The following KRT38 variants were observed in gnomAD, a reference collection of about 807,000 sequenced individuals.
KRT38 encodes keratin 38.
Under a neutral mutation model 43.1 loss-of-function variants are expected in KRT38, and 45 were observed. The observed-to-expected ratio is 1.04, with a 90% CI of 0.82 to 1.34. The LOEUF (loss-of-function observed/expected upper bound fraction) is 1.34, where lower values mean the gene tolerates loss of function less well. Among genes scored for constraint, KRT38 ranks in the 40% most tolerant of loss-of-function variants. The pLI is 0.00. For synonymous variants in KRT38, 258 were observed against 244.0 expected, an observed-to-expected ratio of 1.06 and a Z score of -0.53; for missense variants, 627 against 586.2, an observed-to-expected ratio of 1.07 and a Z score of -0.72.
Position 41,440,953 on chromosome 17 carries a change from G to C in KRT38, c.-32C>G, listed in dbSNP as rs1693430043. The C allele has an allele frequency of 6.6e-7, 1 of 1,513,368 alleles. No homozygotes were observed. Among genetic ancestry groups the C allele is most frequent in the Non-Finnish European group, 8.8e-7 (1 of 1,132,888 alleles). The allele number at this position is 1,513,368 out of a possible 1,614,324, so 93.7% of individuals were successfully genotyped here. On this transcript the variant is annotated 5_prime_UTR_variant, in exon 1 of 7. It adds an upstream start codon to the 5' untranslated region. Coordinates refer to ENST00000246646, the MANE Select transcript of KRT38 (RefSeq NM_006771.4). ...GGGCTGAGGCTGCACAGGAGCTTCA[G>C]ATCAGCTGGGAAAGCTGAACCACTG...
intron 6 of KRT38, 99 bp downstream of exon 6, chr17:41,437,994 A>G (rs2018745424): frequency 8.6e-7 from 1 of 1,165,244 alleles, no homozygotes; most frequent in Admixed American, 1.9e-5. Context: ...GAGTGCACAG[A>G]GAGCCTCATT....
chr17:41,440,517 T>C lies in KRT38; in HGVS notation c.405A>G (p.Thr135=). Residue 135 remains threonine (T), a synonymous_variant, in exon 1 of 7, where the codon ACA becomes ACG. Transcript: ENST00000246646. The part of the protein sequence containing the change: ...LEQENAELEA[T]LLERSKCHES... ...CGTGGCACTTGCTCCTCTCGAGGAG[T>C]GTGGCCTCCAGCTCCGCATTCTCCT... 1 of 1,613,988 alleles carries C rather than the reference T, an allele frequency of 6.2e-7. No homozygotes were observed. The highest frequency in any genetic ancestry group is 8.5e-7 in the Non-Finnish European group (1 of 1,179,978).
Position 41,438,592 on chromosome 17 carries a change from T to A in KRT38, c.919A>T (p.Met307Leu). The A allele has an allele frequency of 6.2e-7, 1 of 1,614,100 alleles. No individual in the cohort carries two copies. The highest frequency in any genetic ancestry group is 8.5e-7 in the Non-Finnish European group (1 of 1,180,006). ...AQSEGISLQD[M>L]SCSEELQCCQ... The stretch of plus-strand genomic sequence containing the variant: ...CACTGCAGCTCCTCGGAGCAGGACA[T>A]GTCCTGCAGGCTGATGCCTTCAGAC... The change falls in exon 5 of 7, where the codon ATG becomes TTG. Residue 307 changes from methionine (M) to leucine (L), a missense_variant. Transcript: ENST00000246646.
At chr17:41,437,628 C>T in intron 6 of KRT38, 87 bp from the exon 7 acceptor site, 1 of 1,387,860 alleles carries the variant, frequency 7.2e-7, no homozygotes, top group South Asian at 1.4e-5. Flanking sequence ...GGAGTCCCCA[C>T]TGCAAAACAA....
chr17:41,438,495 G>T lies in KRT38; in HGVS notation c.1016C>A (p.Thr339Asn). The T allele has an allele frequency of 6.2e-7, 1 of 1,614,198 alleles. No individual in the cohort carries two copies. Among genetic ancestry groups the T allele is most frequent in the South Asian group, 1.1e-5 (1 of 91,074 alleles). ...GTGAGAGTGAAGGACACGTACCAAG[G>T]TGTGCTGGGCTTGGCGCTCCACCTC... Reference protein sequence around the residue: ...ALEVERQAQHTLKDCLQNSLC... With the variant: ...ALEVERQAQHNLKDCLQNSLC... Residue 339 changes from threonine (T) to asparagine (N), a missense_variant, in exon 5 of 7, where the codon ACC becomes AAC. By Grantham distance (65) the Thr-to-Asn change is moderately conservative. Transcript: ENST00000246646.
At position 41,440,790 on chromosome 17, in the gene KRT38, G is replaced by T; in HGVS notation, c.132C>A (p.Cys44Ter). The T allele has an allele frequency of 6.2e-7, 1 of 1,612,844 alleles. No homozygotes were observed. Among genetic ancestry groups the T allele is most frequent in the Non-Finnish European group, 8.5e-7 (1 of 1,179,244 alleles). ...TGGCATGTGCCACGTTGGCCAAAAG[G>T]CACATGGGGGCAATGTTGGCCTCTG... ...PGAEANIAPM[C>*]LLANVAHANR... Residue 44 changes from cysteine (C) to a stop codon, truncating the protein, a stop_gained, in exon 1 of 7, where the codon TGC becomes TGA. Transcript: ENST00000246646. LOFTEE classifies it high-confidence loss of function.
chr17:41,439,460 T>C, intron 2 of KRT38, 101 bp from the exon 3 acceptor site: 1 of 1,360,308 alleles, frequency 7.4e-7, no homozygotes. Context: ...TCCTCATTTA[T>C]TCACTCTGTT....
At chr17:41,437,723 T>C (rs771513194) in intron 6 of KRT38, among the ~76,000 whole-genome samples, 182 bp from the exon 7 acceptor site, 1 of 152,316 alleles carries the variant, frequency 6.6e-6, no homozygotes, top group South Asian at 2.1e-4. Flanking sequence ...GTTTCTAAAA[T>C]GCCTTCCATG....
rs769930484 is a variant in KRT38 at position 41,439,325 on chromosome 17, C to A, written c.610G>T (p.Glu204Ter). 3 of 1,614,158 alleles carry A rather than the reference C, an allele frequency of 1.9e-6. No homozygotes were observed. In the East Asian group the frequency reaches 6.7e-5, roughly 36 times the overall value. ...TTCTGTGTCCCACACTTGTCTGCCT[C>A]CACCAGCTGGCGCAGGGAGCGCTCA... is the stretch of plus-strand genomic sequence containing the variant. ...ESERSLRQLVEADKCGTQKLL... is the reference protein window; with the variant it reads ...ESERSLRQLV Residue 204 changes from glutamate (E) to a stop codon, truncating the protein, a stop_gained, in exon 3 of 7, where the codon GAG becomes TAG. Coordinates refer to ENST00000246646, the MANE Select transcript of KRT38 (RefSeq NM_006771.4). LOFTEE classifies it high-confidence loss of function.
chr17:41,437,432 T>A lies in KRT38; in HGVS notation c.1351A>T (p.Thr451Ser), dbSNP rs921961536. The stretch of plus-strand genomic sequence containing the variant: ...GGAATTCAGAATCGGCTTCCGGTGG[T>A]GCTGGCTCCACAGGTGGGCCCACAG... ...TTCGPTCGASTTGSRF is the reference protein window; with the variant it reads ...TTCGPTCGASSTGSRF Residue 451 changes from threonine to serine, a missense_variant, in exon 7 of 7, where the codon ACC (threonine) becomes TCC (serine). Coordinates refer to ENST00000246646, the MANE Select transcript of KRT38 (RefSeq NM_006771.4). 4 of 1,568,264 alleles carry A rather than the reference T, an allele frequency of 2.6e-6. No homozygotes were observed. Among genetic ancestry groups the A allele is most frequent in the Non-Finnish European group, 3.4e-6 (4 of 1,161,844 alleles).
At position 41,440,948 on chromosome 17, in the gene KRT38, C is replaced by A. The variant is rs757205993; in HGVS notation, c.-27G>T. 9.9e-6 allele frequency: 15 copies of A among 1,513,916 alleles called. No homozygotes were observed. The highest frequency in any genetic ancestry group is 2.8e-5 in the African/African-American group (2 of 71,558). The allele number at this position is 1,513,916 out of a possible 1,614,324, so 93.8% of individuals were successfully genotyped here. A position where few individuals can be genotyped will look rare whatever the true frequency, so the allele number is the denominator to read the frequency against. ...GTGTTGGGCTGAGGCTGCACAGGAGCTTCAGATCAGCTGGGAAAGCTGAAC... is the reference window on the plus strand; with the variant it reads ...GTGTTGGGCTGAGGCTGCACAGGAGATTCAGATCAGCTGGGAAAGCTGAAC... On this transcript the variant is annotated 5_prime_UTR_variant, in exon 1 of 7. Coordinates refer to ENST00000246646, the MANE Select transcript of KRT38 (RefSeq NM_006771.4).
rs1597732487 is a variant in KRT38 at position 41,438,730 on chromosome 17, G to A, written c.861C>T (p.Asn287=). 6.2e-7 allele frequency: 1 copy of A among 1,613,948 alleles called. No homozygotes were observed. The highest frequency in any genetic ancestry group is 1.1e-5 in the South Asian group (1 of 91,068). ...GGAACCACTGTTCCACATCCTGGCG[G>A]TTGGTCTCCAACATGGCCTCATACT... ...RAQYEAMLET[N]RQDVEQWFQA... is the part of the protein sequence containing the mutation. The change falls in exon 4 of 7, where the codon AAC becomes AAT. Residue 287 remains asparagine (N), a synonymous_variant. Coordinates refer to ENST00000246646, the MANE Select transcript of KRT38 (RefSeq NM_006771.4).
At chr17:41,439,009 A>G in intron 3 of KRT38, 151 bp from the exon 4 acceptor site, 1 of 1,252,840 alleles carries the variant, frequency 8.0e-7, no homozygotes, top group South Asian at 1.5e-5. Flanking sequence ...CATTCGGGAG[A>G]GCCCACCTGC....
chr17:41,438,939 T>C, intron 3 of KRT38, 81 bp from the exon 4 acceptor site: 1 of 1,519,294 alleles, frequency 6.6e-7, no homozygotes, highest in Non-Finnish European at 9.0e-7. Flanking sequence ...ACCCCGCCCC[T>C]GGCAAGCAGT....
intron 2 of KRT38, 53 bp from the exon 3 acceptor site, chr17:41,439,412 C>T (rs1395875360): frequency 2.5e-6 from 4 of 1,585,202 alleles, no homozygotes; most frequent in South Asian, 2.3e-5. Flanking sequence ...GAGCCCCTCT[C>T]GGCTGCCCTG....
rs758920039 is a variant in KRT38 at position 41,440,661 on chromosome 17, G to T, written c.261C>A (p.Gly87=). ...CATAGGCCCCACAGATTCCAATGTT[G>T]CCAGGAATGTGGCAGGTCCCTGGCA... ...CPLPGTCHIP[G]NIGICGAYGE... is the part of the protein sequence containing the mutation. Residue 87 remains glycine (G), a synonymous_variant, in exon 1 of 7, where the codon GGC becomes GGA. Transcript: ENST00000246646. 1.2e-6 allele frequency: 2 copies of T among 1,614,038 alleles called. No homozygotes were observed. The highest frequency in any genetic ancestry group is 1.7e-6 in the Non-Finnish European group (2 of 1,180,044).
intron 2 of KRT38, 128 bp from the exon 3 acceptor site, chr17:41,439,487 A>C: frequency 9.3e-7 from 1 of 1,076,182 alleles, no homozygotes; most frequent in Non-Finnish European, 1.3e-6. Flanking sequence ...TCTGTCCTCA[A>C]AGGTGAATTA....
rs1364767729 is a variant in KRT38 at position 41,440,740 on chromosome 17, G to A, written c.182C>T (p.Pro61Leu). ...CAGACAGAGGCTGGGGCGGCCCAGG[G>A]GAGTGGACCCCACACGGACTCGGTT... ...HANRVRVGST[P>L]LGRPSLCLPP... is the part of the protein sequence containing the mutation. Residue 61 changes from proline to leucine, a missense_variant, in exon 1 of 7, where the codon CCC becomes CTC. Coordinates refer to ENST00000246646, the MANE Select transcript of KRT38 (RefSeq NM_006771.4). 1 of 1,613,942 alleles carries A rather than the reference G, an allele frequency of 6.2e-7. No homozygotes were observed. Among genetic ancestry groups the A allele is most frequent in the Non-Finnish European group, 8.5e-7 (1 of 1,179,960 alleles).
In KRT38 at chr17:41,440,948, C is replaced by T; in HGVS notation, c.-27G>A. 6.6e-7 allele frequency: 1 copy of T among 1,514,036 alleles called. No homozygotes were observed. Among genetic ancestry groups the T allele is most frequent in the African/African-American group, 1.4e-5 (1 of 71,680 alleles). 93.8% of individuals were successfully genotyped at this position (1,514,036 alleles called of 1,614,324 possible). A position where few individuals can be genotyped will look rare whatever the true frequency, so the allele number is the denominator to read the frequency against. ...GTGTTGGGCTGAGGCTGCACAGGAG[C>T]TTCAGATCAGCTGGGAAAGCTGAAC... On this transcript the variant is annotated 5_prime_UTR_variant, in exon 1 of 7. Transcript: ENST00000246646.
Sources: gnomAD v4.1 joint callset for allele counts (sites outside exome capture counted in the v4.1 genomes callset) on GRCh38, gnomAD v4.1.1 for gene constraint, MANE v1.5 for transcripts, NCBI Gene and HGNC (gene_info 2026-07-23, HGNC 2026-07-21) for gene names.